CSMD1: variants seen among roughly 807,000 people sequenced by gnomAD.
CSMD1 encodes CUB and Sushi multiple domains 1.
In CSMD1, 213 loss-of-function variants were observed where a neutral mutation model predicts 417.5. That is an observed-to-expected ratio of 0.51 (90% confidence interval 0.46 to 0.57). CSMD1 has a LOEUF of 0.57. Among genes scored for constraint, CSMD1 ranks in the 20% least tolerant of loss-of-function variants. CSMD1 has a pLI of 0.00. For missense variants in CSMD1, 6,923 were observed against 4,529.7 expected (o/e 1.53, Z -15.17); for synonymous variants, 2,862 against 1,736.8 (o/e 1.65, Z -16.11).
At chr8:3,876,086 C>G (rs1442761739) in intron 5 of CSMD1, among the ~76,000 whole-genome samples, 2 of 151,892 alleles carry the variant, frequency 1.3e-5, no homozygotes, top group Non-Finnish European at 2.9e-5. Context: ...GTTGTCTTTT[C>G]TATATATTTG....
chr8:3,541,434 C>T (rs947895397), intron 10 of CSMD1, among the ~76,000 whole-genome samples: 4 of 151,846 alleles, frequency 2.6e-5, no homozygotes, highest in Non-Finnish European at 5.9e-5. Flanking sequence ...GGGCTTAATA[C>T]CTAGGTGATG....
chr8:4,697,312 T>G (rs1315433583), intron 1 of CSMD1, among the ~76,000 whole-genome samples: 3 of 152,212 alleles, frequency 2.0e-5, no homozygotes, highest in Non-Finnish European at 2.9e-5. Flanking sequence ...GACTTAGTTA[T>G]CATTGCCCTT....
At chr8:4,218,721 G>C (rs1647317) in intron 3 of CSMD1, among the ~76,000 whole-genome samples, 75,828 of 152,000 alleles carry the variant, frequency 0.5, 21,176 homozygotes, top group Non-Finnish European at 0.62. Context: ...TACAGTGATG[G>C]TGACTGGTTT....
intron 2 of CSMD1, among the ~76,000 whole-genome samples, chr8:4,468,806 AATT>A (rs1206882935): frequency 2.0e-5 from 3 of 152,158 alleles, no homozygotes; most frequent in Non-Finnish European, 4.4e-5. Context: ...GATAATCAAT[AATT>A]ATTGTATTGA....
chr8:4,098,327 G>C (rs1464235432), intron 3 of CSMD1, among the ~76,000 whole-genome samples: 2 of 152,088 alleles, frequency 1.3e-5, no homozygotes, highest in Non-Finnish European at 2.9e-5. Context: ...ATCACACTGA[G>C]AATAAATGCG....
At chr8:4,255,663 A>G (rs541886175) in intron 3 of CSMD1, among the ~76,000 whole-genome samples, 3 of 152,174 alleles carry the variant, frequency 2.0e-5, no homozygotes, top group African/African-American at 7.2e-5. Context: ...GACTTTGCTA[A>G]TATGTATTAC....
intron 50 of CSMD1, among the ~76,000 whole-genome samples, chr8:3,040,639 C>G (rs1214893819): frequency 6.6e-6 from 1 of 151,758 alleles, no homozygotes; most frequent in Non-Finnish European, 1.5e-5. Context: ...CCCGTCTCTA[C>G]TAAAAATACA....
At chr8:4,116,102 G>A (rs536432491) in intron 3 of CSMD1, among the ~76,000 whole-genome samples, 103 of 151,826 alleles carry the variant, frequency 6.8e-4, no homozygotes, top group African/African-American at 2.3e-3. Flanking sequence ...GGGTTCAAGC[G>A]ATTTTCCTAC....
At chr8:3,789,939 G>T (rs1049805843) in intron 5 of CSMD1, among the ~76,000 whole-genome samples, 3 of 151,992 alleles carry the variant, frequency 2.0e-5, no homozygotes, top group African/African-American at 7.2e-5. Context: ...CACCATGTTA[G>T]CCAGGATGGT....
intron 2 of CSMD1, among the ~76,000 whole-genome samples, chr8:4,539,293 G>A (rs554761000): frequency 2.6e-5 from 4 of 152,246 alleles, no homozygotes; most frequent in African/African-American, 9.6e-5. Context: ...GCATATGTGG[G>A]ATGTAAAATA....
Position 4,364,821 on chromosome 8 carries a change from T to G in CSMD1, c.415+55132A>C, listed in dbSNP as rs1202528718. On this transcript the variant is annotated intron_variant, in intron 3 of 69. Coordinates refer to ENST00000635120, the MANE Select transcript of CSMD1 (RefSeq NM_033225.6). ...GCCTGCGCGACAGAGCGAGACTCCTTCTCAAAAAAAAAAAAAAAAAAAAAA... is the reference window on the plus strand; with the variant it reads ...GCCTGCGCGACAGAGCGAGACTCCTGCTCAAAAAAAAAAAAAAAAAAAAAA... Among the ~76,000 whole-genome samples the G allele has an allele frequency of 4.3e-4, 12 of 28,094 alleles. 1 individual carries two copies. The African/African-American group carries it at 7.5e-3, about 18-fold the overall frequency. 18.4% of individuals were successfully genotyped at this position (28,094 alleles called of 152,430 possible).
chr8:4,585,552 T>A (rs1799656664), intron 2 of CSMD1, among the ~76,000 whole-genome samples: 1 of 152,104 alleles, frequency 6.6e-6, no homozygotes, highest in Non-Finnish European at 1.5e-5. Flanking sequence ...ATTAGAGACT[T>A]TGAGCAGAAG....
intron 2 of CSMD1, among the ~76,000 whole-genome samples, chr8:4,504,975 T>G (rs1032172062): frequency 6.6e-6 from 1 of 152,208 alleles, no homozygotes; most frequent in Non-Finnish European, 1.5e-5. Flanking sequence ...GAGAATGATT[T>G]ATAATCCTTT....
In CSMD1 at chr8:3,537,800, T is replaced by A. The variant is rs187346977; in HGVS notation, c.1344+37145A>T. ...TTCACCAATTAAAGAGTCTCATCCA[T>A]AGCACTTGGCACAAACTTGGTCAAA... On this transcript the variant is annotated intron_variant, in intron 10 of 69. Transcript: ENST00000635120. Among the ~76,000 whole-genome samples, 138 of 152,346 alleles carry A rather than the reference T, an allele frequency of 9.1e-4. 1 individual carries two copies. The highest frequency in any genetic ancestry group is 4.7e-3 in the Admixed American group (72 of 15,304).
intron 12 of CSMD1, among the ~76,000 whole-genome samples, chr8:3,422,889 G>C (rs1011186291): frequency 1.3e-5 from 2 of 152,156 alleles, no homozygotes; most frequent in Non-Finnish European, 2.9e-5. Flanking sequence ...GTCCTCCAGA[G>C]GGAGGAACAC....
chr8:4,908,961 C>A (rs1158049489), intron 1 of CSMD1, among the ~76,000 whole-genome samples: 2 of 152,148 alleles, frequency 1.3e-5, no homozygotes, highest in African/African-American at 2.4e-5. Context: ...GTTTTCCTTG[C>A]CTTTAGCATG....
intron 15 of CSMD1, among the ~76,000 whole-genome samples, chr8:3,403,207 C>A (rs1169971927): frequency 6.6e-6 from 1 of 152,160 alleles, no homozygotes; most frequent in Non-Finnish European, 1.5e-5. Context: ...TCAAGAAAAA[C>A]AATAAATAAG....
At chr8:4,160,378 T>G (rs572778045) in intron 3 of CSMD1, among the ~76,000 whole-genome samples, 2 of 152,224 alleles carry the variant, frequency 1.3e-5, no homozygotes, top group Non-Finnish European at 1.5e-5. Context: ...TTTGGAAATT[T>G]GGTGTTATGT....
intron 5 of CSMD1, among the ~76,000 whole-genome samples, chr8:3,757,241 T>C (rs1360459568): frequency 6.6e-6 from 1 of 152,190 alleles, no homozygotes; most frequent in Admixed American, 6.5e-5. Flanking sequence ...TAGTTTTGTG[T>C]CAGTCAACAG....
Sources: gnomAD v4.1 joint callset for allele counts (sites outside exome capture counted in the v4.1 genomes callset) on GRCh38, gnomAD v4.1.1 for gene constraint, MANE v1.5 for transcripts, NCBI Gene and HGNC (gene_info 2026-07-23, HGNC 2026-07-21) for gene names.